The following GSTCD variants were observed in gnomAD, a reference collection of about 807,000 sequenced individuals.
GSTCD encodes glutathione S-transferase C-terminal domain-containing protein.
A neutral mutation model predicts 68.3 loss-of-function variants in GSTCD; 44 were observed. The observed-to-expected ratio is 0.64, with a 90% CI of 0.51 to 0.83. The LOEUF (loss-of-function observed/expected upper bound fraction) is 0.83, where lower values mean the gene tolerates loss of function less well. Among genes scored for constraint, GSTCD ranks in the 40% least tolerant of loss-of-function variants. The pLI, the probability that GSTCD is intolerant of heterozygous loss-of-function variation, is 0.00. For missense variants in GSTCD, 739 were observed against 735.9 expected (o/e 1.00, Z -0.05); for synonymous variants, 273 against 255.2 (o/e 1.07, Z -0.67).
At chr4:105,710,608 G>A (rs1732507060) in intron 1 of GSTCD, among the ~76,000 whole-genome samples, 1 of 152,034 alleles carries the variant, frequency 6.6e-6, no homozygotes, top group African/African-American at 2.4e-5. Flanking sequence ...TAAATACTGA[G>A]TATCCAATTA....
chr4:105,797,452 T>C (rs1250606891), intron 5 of GSTCD, among the ~76,000 whole-genome samples: 1 of 152,202 alleles, frequency 6.6e-6, no homozygotes, highest in Non-Finnish European at 1.5e-5. Flanking sequence ...CTGTAGTCCA[T>C]TGTGCAATAG....
chr4:105,833,200 C>T (rs1560853401), intron 8 of GSTCD, among the ~76,000 whole-genome samples: 1 of 152,200 alleles, frequency 6.6e-6, no homozygotes, highest in Non-Finnish European at 1.5e-5. Flanking sequence ...CGCGGTGGCT[C>T]ATGCCTGTAA....
intron 5 of GSTCD, among the ~76,000 whole-genome samples, chr4:105,729,851 A>G (rs1733169656): frequency 6.6e-6 from 1 of 152,066 alleles, no homozygotes; most frequent in African/African-American, 2.4e-5. Context: ...CCATTAACTC[A>G]TCATTTACAT....
At chr4:105,785,375 C>T (rs1735426726) in intron 5 of GSTCD, among the ~76,000 whole-genome samples, 1 of 151,912 alleles carries the variant, frequency 6.6e-6, no homozygotes, top group African/African-American at 2.4e-5. Flanking sequence ...TACACCATAA[C>T]CAAATCAATT....
chr4:105,765,864 GA>G (rs990936332), intron 5 of GSTCD, among the ~76,000 whole-genome samples: 5 of 152,132 alleles, frequency 3.3e-5, no homozygotes, highest in African/African-American at 9.7e-5. Context: ...TGTGAAGAAA[GA>G]CGTGTTTGCT....
At chr4:105,739,691 G>A (rs1005833554) in intron 5 of GSTCD, among the ~76,000 whole-genome samples, 1 of 152,156 alleles carries the variant, frequency 6.6e-6, no homozygotes, top group East Asian at 1.9e-4. Flanking sequence ...GTTGGTCAAA[G>A]CCCCATTTAC....
chr4:105,734,049 G>A (rs1320294818), intron 5 of GSTCD, among the ~76,000 whole-genome samples: 1 of 152,218 alleles, frequency 6.6e-6, no homozygotes, highest in Non-Finnish European at 1.5e-5. Flanking sequence ...TTTCTGCTGA[G>A]AGATCAGCTG....
At chr4:105,767,037 G>A (rs1201485510) in intron 5 of GSTCD, among the ~76,000 whole-genome samples, 1 of 151,946 alleles carries the variant, frequency 6.6e-6, no homozygotes, top group African/African-American at 2.4e-5. Flanking sequence ...CATGAATTGA[G>A]TCGCCCCCAG....
intron 8 of GSTCD, among the ~76,000 whole-genome samples, chr4:105,831,041 C>T (rs1723872651): frequency 6.6e-6 from 1 of 152,158 alleles, no homozygotes; most frequent in African/African-American, 2.4e-5. Flanking sequence ...GACTTTGGTA[C>T]ACAGATTTTC....
At chr4:105,792,360 T>C (rs1034791350) in intron 5 of GSTCD, among the ~76,000 whole-genome samples, 1 of 152,060 alleles carries the variant, frequency 6.6e-6, no homozygotes, top group Non-Finnish European at 1.5e-5. Context: ...TTTTTTTATA[T>C]GGTACATTGA....
chr4:105,793,391 T>C (rs1735748933), intron 5 of GSTCD, among the ~76,000 whole-genome samples: 1 of 151,148 alleles, frequency 6.6e-6, no homozygotes, highest in Non-Finnish European at 1.5e-5. Flanking sequence ...TTTTTTGGGG[T>C]GTGATATCAT....
At position 105,731,463 on chromosome 4, in the gene GSTCD, A is replaced by C. The variant is rs571855932; in HGVS notation, c.1240+1964A>C. ...GTCCTTCACATCCCTTGTAAGTTGG[A>C]TTCCTAGGTATTTTATTCTCTTTGA... On this transcript the variant is annotated intron_variant, in intron 5 of 11. Coordinates refer to ENST00000515279, the MANE Select transcript of GSTCD (RefSeq NM_001370181.1). 2.6e-5 allele frequency among the ~76,000 whole-genome samples: 4 copies of C among 152,238 alleles called. No homozygotes were observed. In the South Asian group the frequency reaches 6.2e-4, roughly 24 times the overall value.
rs753814688 is a variant in GSTCD, at chr4:105,796,741, C to A, written c.1241-26213C>A. Among the ~76,000 whole-genome samples the A allele has an allele frequency of 4.5e-4, 69 of 152,142 alleles. 1 individual carries two copies. Among genetic ancestry groups the A allele is most frequent in the Middle Eastern group, 3.2e-3 (1 of 316 alleles). ...AAACCACAGATATGTATTGATTAGG[C>A]CATATACTCCTAAAACATCTTTTTA... is the stretch of plus-strand genomic sequence containing the variant. On this transcript the variant is annotated intron_variant, in intron 5 of 11. Transcript: ENST00000515279.
chr4:105,714,738 T>G (rs1732635701), intron 1 of GSTCD, among the ~76,000 whole-genome samples: 1 of 152,100 alleles, frequency 6.6e-6, no homozygotes, highest in South Asian at 2.1e-4. Context: ...CAACAGTACT[T>G]TGTTGCATTT....
intron 5 of GSTCD, among the ~76,000 whole-genome samples, chr4:105,806,596 C>T (rs1426167863): frequency 6.6e-6 from 1 of 152,020 alleles, no homozygotes; most frequent in Non-Finnish European, 1.5e-5. Flanking sequence ...TTTCTTTCAT[C>T]TTTATAATTA....
At chr4:105,756,584 A>G (rs367593582) in intron 5 of GSTCD, among the ~76,000 whole-genome samples, 15,072 of 142,814 alleles carry the variant, frequency 0.11, 1,234 homozygotes, top group African/African-American at 0.23. Flanking sequence ...GTGTGTGTAT[A>G]TATATATATA....
chr4:105,777,421 A>G (rs1330858206), intron 5 of GSTCD, among the ~76,000 whole-genome samples: 1 of 152,208 alleles, frequency 6.6e-6, no homozygotes, highest in Non-Finnish European at 1.5e-5. Context: ...GTTATTGCCA[A>G]TCTGGAATGA....
chr4:105,836,150 G>A (rs1724109515), intron 9 of GSTCD, among the ~76,000 whole-genome samples: 1 of 151,904 alleles, frequency 6.6e-6, no homozygotes, highest in Non-Finnish European at 1.5e-5. Context: ...GCAGTGGGTA[G>A]CTGCTGTCTT....
intron 5 of GSTCD, among the ~76,000 whole-genome samples, chr4:105,781,802 CTT>C (rs879900238): frequency 8.8e-5 from 12 of 136,894 alleles, no homozygotes; most frequent in Non-Finnish European, 8.0e-5. Context: ...TCTTTTTTTT[CTT>C]TTTTTTTTTT....
Sources: gnomAD v4.1 joint callset for allele counts (sites outside exome capture counted in the v4.1 genomes callset) on GRCh38, gnomAD v4.1.1 for gene constraint, MANE v1.5 for transcripts, NCBI Gene and HGNC (gene_info 2026-07-23, HGNC 2026-07-21) for gene names.